FGF13: variants seen among roughly 807,000 people sequenced by gnomAD.
FGF13 encodes the protein fibroblast growth factor homologous factor 2.
A neutral mutation model predicts 19.5 loss-of-function variants in FGF13; 2 were observed. The ratio of observed to expected loss-of-function variants is 0.10; its 90% CI spans 0.04 to 0.32. The LOEUF is 0.32. Among genes scored for constraint, FGF13 ranks in the 10% least tolerant of loss-of-function variants. The pLI is 1.00. For missense variants in FGF13, 113 were observed against 192.7 expected, an observed-to-expected ratio of 0.59 and a Z score of 2.45; for synonymous variants, 72 against 76.9, an observed-to-expected ratio of 0.94 and a Z score of 0.33.
intron 1 of FGF13, among the ~76,000 whole-genome samples, chrX:139,126,429 C>T (rs949747480): frequency 6.3e-5 from 7 of 111,215 alleles, no homozygotes; most frequent in African/African-American, 2.0e-4. Flanking sequence ...TATCAAAGTA[C>T]GAATCACACT....
At chrX:138,693,711 T>C (rs2089862513) in intron 3 of FGF13, among the ~76,000 whole-genome samples, 1 of 112,118 alleles carries the variant, frequency 8.9e-6, no homozygotes, top group South Asian at 3.7e-4. Context: ...GTTAATTAAC[T>C]GATATATATC....
At chrX:138,902,976 A>G (rs2091539762) in intron 1 of FGF13, among the ~76,000 whole-genome samples, 1 of 111,684 alleles carries the variant, frequency 9.0e-6, no homozygotes. Context: ...AAAAAGATCT[A>G]AAGTTTAAAA....
chrX:138,998,251 G>A lies in FGF13; in HGVS notation c.-112-133601C>T, dbSNP rs190649000. ...AACATGCCAAATTGTGAGGACCATC[G>A]ACGCTATGAAGAAACTGCATCAACT... is the stretch of plus-strand genomic sequence containing the variant. On this transcript the variant is annotated intron_variant, in intron 1 of 2. Coordinates refer to the FGF13 transcript ENST00000421460. 1.4e-4 allele frequency among the ~76,000 whole-genome samples: 16 copies of A among 111,480 alleles called. 1 individual carries two copies. The highest frequency in any genetic ancestry group is 4.9e-4 in the African/African-American group (15 of 30,660).
intron 3 of FGF13, among the ~76,000 whole-genome samples, chrX:138,680,873 A>G (rs1313762011): frequency 9.0e-6 from 1 of 111,155 alleles, no homozygotes. Context: ...TACTTCATCT[A>G]CATTGAAAAT....
intron 1 of FGF13, among the ~76,000 whole-genome samples, chrX:138,932,681 G>A (rs1397431197): frequency 6.7e-5 from 7 of 104,159 alleles, no homozygotes; most frequent in African/African-American, 2.1e-4. Flanking sequence ...AAATAGAAAG[G>A]GGAAAAACAT....
At chrX:138,742,526 G>A (rs1428683820), upstream of FGF13, among the ~76,000 whole-genome samples, 2 of 109,961 alleles carry the variant, frequency 1.8e-5, no homozygotes, top group East Asian at 2.9e-4. Flanking sequence ...GCCAATTGAC[G>A]AATAATACCC....
chrX:138,946,634 C>A (rs2091783052), intron 1 of FGF13, among the ~76,000 whole-genome samples: 1 of 111,794 alleles, frequency 8.9e-6, no homozygotes, highest in African/African-American at 3.3e-5. Context: ...TATAGAAGAT[C>A]CATGTAAACT....
At chrX:138,885,908 T>C (rs948183658) in intron 1 of FGF13, among the ~76,000 whole-genome samples, 8 of 111,308 alleles carry the variant, frequency 7.2e-5, no homozygotes, top group African/African-American at 2.6e-4. Flanking sequence ...AACTGGAATA[T>C]AATTCCAATG....
At chrX:138,886,846 T>C (rs1438447897) in intron 1 of FGF13, among the ~76,000 whole-genome samples, 1 of 112,107 alleles carries the variant, frequency 8.9e-6, no homozygotes, top group Admixed American at 9.5e-5. Context: ...CAAAGTACTA[T>C]GGATACGATG....
intron 1 of FGF13, among the ~76,000 whole-genome samples, chrX:139,186,357 A>G (rs975734070): frequency 1.8e-5 from 2 of 111,736 alleles, no homozygotes; most frequent in East Asian, 5.7e-4. Context: ...TGTACCACTC[A>G]TGTTATTATT....
chrX:138,695,176 A>T (rs1359209956), intron 3 of FGF13, among the ~76,000 whole-genome samples: 1 of 111,742 alleles, frequency 8.9e-6, no homozygotes, highest in Non-Finnish European at 1.9e-5. Context: ...TCACCTAAGC[A>T]GTACTCTGGC....
chrX:138,957,730 C>T, intron 1 of FGF13, among the ~76,000 whole-genome samples: 1 of 111,716 alleles, frequency 9.0e-6, no homozygotes, highest in East Asian at 2.8e-4. Flanking sequence ...AGAGGTCCTT[C>T]ACATCCCTTG....
At chrX:138,649,928 C>A (rs2089350794) in intron 3 of FGF13, among the ~76,000 whole-genome samples, 1 of 111,939 alleles carries the variant, frequency 8.9e-6, no homozygotes, top group South Asian at 3.7e-4. Context: ...TTTCTATATG[C>A]CATTTAATGA....
intron 1 of FGF13, among the ~76,000 whole-genome samples, chrX:139,094,655 A>T (rs1013393590): frequency 1.8e-5 from 2 of 112,678 alleles, no homozygotes; most frequent in Non-Finnish European, 3.7e-5. Flanking sequence ...GCACTTAAGG[A>T]CTAACTGAAA....
In FGF13 at chrX:138,901,556, T is replaced by C. The variant is rs762525014; in HGVS notation, c.-112-36906A>G. On this transcript the variant is annotated intron_variant, in intron 1 of 2. Transcript: ENST00000421460. ...TATGGTCGTCCCCAGGCACCTAGAC[T>C]CTCTTGAATCTCTGAGCCTTTGGAT... is the stretch of plus-strand genomic sequence containing the variant. Among the ~76,000 whole-genome samples the C allele has an allele frequency of 5.0e-3, 559 of 111,733 alleles. 3 individuals carry two copies. Among genetic ancestry groups the C allele is most frequent in the African/African-American group, 0.017 (538 of 30,749 alleles).
intron 3 of FGF13, among the ~76,000 whole-genome samples, chrX:138,682,043 T>C (rs2089734369): frequency 8.9e-6 from 1 of 112,265 alleles, no homozygotes; most frequent in Non-Finnish European, 1.9e-5. Context: ...GCACATGCTG[T>C]TGGAAAAAAT....
chrX:139,167,397 A>C (rs2084095496), intron 1 of FGF13, among the ~76,000 whole-genome samples: 1 of 112,038 alleles, frequency 8.9e-6, no homozygotes, highest in Non-Finnish European at 1.9e-5. Context: ...CAGCAAATAC[A>C]TGTATGTAGG....
At position 139,059,430 on chromosome X, in the gene FGF13, A is replaced by AAG. The variant is rs769992893; in HGVS notation, c.-113+143984_-113+143985dup. On this transcript the variant is annotated intron_variant, in intron 1 of 2. Coordinates refer to the FGF13 transcript ENST00000421460. ...AAGTGAAGAATGTTCTTAAAAAAAA[A>AAG]AGAGAGAGAGAGAGAGAGAGAGAAT... 1.4e-3 allele frequency among the ~76,000 whole-genome samples: 151 copies of AAG among 107,378 alleles called. 2 individuals carry two copies. The highest frequency in any genetic ancestry group is 5.4e-3 in the South Asian group (13 of 2,428). 93.2% of individuals were successfully genotyped at this position (107,378 alleles called of 115,157 possible). A position where few individuals can be genotyped will look rare whatever the true frequency, so the allele number is the denominator to read the frequency against.
At chrX:138,987,546 C>T (rs1427825901) in intron 1 of FGF13, among the ~76,000 whole-genome samples, 1 of 112,012 alleles carries the variant, frequency 8.9e-6, no homozygotes, top group African/African-American at 3.2e-5. Flanking sequence ...GGCTGATGTT[C>T]ATTTTGTTGA....
Sources: allele counts gnomAD v4.1 joint callset (sites outside exome capture counted in the v4.1 genomes callset), GRCh38; gene constraint gnomAD v4.1.1; transcripts MANE v1.5; gene names NCBI Gene and HGNC (gene_info 2026-07-23, HGNC 2026-07-21).